The following APBA2 variants were observed in gnomAD, a reference collection of about 807,000 sequenced individuals.
The protein encoded by APBA2 is amyloid beta precursor protein binding family A member 2, also known as amyloid-beta A4 precursor protein-binding family A member 2.
In APBA2, 30 loss-of-function variants were observed where a neutral mutation model predicts 75.0. The observed-to-expected ratio is 0.40, with a 90% CI of 0.30 to 0.54. The LOEUF is 0.54. Among genes scored for constraint, APBA2 ranks in the 20% least tolerant of loss-of-function variants. The pLI, the probability that APBA2 is intolerant of heterozygous loss-of-function variation, is 0.49. For missense variants in APBA2, 801 were observed against 1,016.1 expected (o/e 0.79, Z 2.88); for synonymous variants, 444 against 409.6 (o/e 1.08, Z -1.01).
At chr15:28,952,731 A>G (rs1185354674) in intron 2 of APBA2, among the ~76,000 whole-genome samples, 1 of 152,216 alleles carries the variant, frequency 6.6e-6, no homozygotes, top group Non-Finnish European at 1.5e-5. Context: ...GATATTTTCA[A>G]ACTTTGTAGA....
At chr15:29,113,685 G>A (rs1031292102) in intron 13 of APBA2, among the ~76,000 whole-genome samples, 191 bp from the exon 14 acceptor site, 1 of 152,206 alleles carries the variant, frequency 6.6e-6, no homozygotes, top group African/African-American at 2.4e-5. Context: ...ACACACCATG[G>A]CATTAACTCT....
At chr15:28,963,238 T>A (rs1031237611) in intron 2 of APBA2, among the ~76,000 whole-genome samples, 4 of 152,228 alleles carry the variant, frequency 2.6e-5, no homozygotes, top group Non-Finnish European at 5.9e-5. Flanking sequence ...TAGGTCTTCC[T>A]AGAGTTGGGA....
chr15:29,053,184 G>A (rs1173596409), intron 3 of APBA2, among the ~76,000 whole-genome samples: 1 of 152,174 alleles, frequency 6.6e-6, no homozygotes, highest in Admixed American at 6.5e-5. Flanking sequence ...TGCACCCTTT[G>A]TCCTCTTCTC....
chr15:28,926,429 A>G (rs898631193), intron 2 of APBA2, among the ~76,000 whole-genome samples: 2 of 152,208 alleles, frequency 1.3e-5, no homozygotes, highest in African/African-American at 2.4e-5. Flanking sequence ...CAACTACCTT[A>G]TAACAGAATA....
chr15:28,955,108 G>A (rs1199881457), intron 2 of APBA2, among the ~76,000 whole-genome samples: 1 of 152,112 alleles, frequency 6.6e-6, no homozygotes, highest in Admixed American at 6.5e-5. Context: ...AGAATTATAG[G>A]ACTTTGTCAG....
intron 2 of APBA2, among the ~76,000 whole-genome samples, chr15:28,968,122 C>T (rs1284167343): frequency 2.6e-5 from 4 of 152,206 alleles, no homozygotes; most frequent in African/African-American, 9.7e-5. Context: ...AATTCCCTTG[C>T]CTGTGAAGGC....
intron 13 of APBA2, 113 bp from the exon 14 acceptor site, chr15:29,113,763 A>G: frequency 2.2e-6 from 3 of 1,367,404 alleles, no homozygotes; most frequent in Non-Finnish European, 3.1e-6. Context: ...TTGCACGTGC[A>G]CGTATTCATC....
At chr15:28,938,782 C>A (rs1566818542) in intron 2 of APBA2, among the ~76,000 whole-genome samples, 1 of 152,110 alleles carries the variant, frequency 6.6e-6, no homozygotes, top group Non-Finnish European at 1.5e-5. Flanking sequence ...GTGCTGGAAT[C>A]ACAGGCATGA....
At chr15:28,910,780 C>A (rs2033392335) in intron 1 of APBA2, among the ~76,000 whole-genome samples, 1 of 152,182 alleles carries the variant, frequency 6.6e-6, no homozygotes, top group East Asian at 1.9e-4. Flanking sequence ...CTTTTTGATA[C>A]AGCCGTGTCA....
At chr15:28,923,647 TCTC>T (rs1359197303) in intron 2 of APBA2, among the ~76,000 whole-genome samples, 1 of 152,116 alleles carries the variant, frequency 6.6e-6, no homozygotes, top group Non-Finnish European at 1.5e-5. Context: ...CCTGCCCTCT[TCTC>T]ATATGGAACA....
chr15:28,903,931 C>T (rs911119329), intron 1 of APBA2, among the ~76,000 whole-genome samples: 9 of 152,116 alleles, frequency 5.9e-5, no homozygotes, highest in African/African-American at 1.7e-4. Flanking sequence ...GTGATTCCTA[C>T]GGGTCTTACC....
At chr15:28,952,592 A>T (rs1382665198) in intron 2 of APBA2, among the ~76,000 whole-genome samples, 2 of 152,232 alleles carry the variant, frequency 1.3e-5, no homozygotes. Context: ...AATATGATTC[A>T]GCCTTCCATG....
intron 9 of APBA2, among the ~76,000 whole-genome samples, chr15:29,101,231 T>C (rs375663154): frequency 1.5e-5 from 2 of 136,330 alleles, no homozygotes; most frequent in Admixed American, 7.4e-5. Context: ...TTTTTTTTTT[T>C]CCTTTCTTTT....
At chr15:29,108,524 C>T (rs903115472) in intron 13 of APBA2, 135 bp downstream of exon 13, 2 of 1,406,360 alleles carry the variant, frequency 1.4e-6, no homozygotes, top group Non-Finnish European at 2.0e-6. Context: ...TGCCCACAGC[C>T]AGGCCACCTG....
intron 2 of APBA2, among the ~76,000 whole-genome samples, chr15:28,976,355 A>G (rs2037337101): frequency 6.6e-6 from 1 of 152,146 alleles, no homozygotes; most frequent in African/African-American, 2.4e-5. Context: ...TGTGGTTGGG[A>G]GTGACAGAAC....
At chr15:29,087,889 C>G (rs865889094) in intron 6 of APBA2, among the ~76,000 whole-genome samples, 2 of 152,188 alleles carry the variant, frequency 1.3e-5, no homozygotes, top group Non-Finnish European at 2.9e-5. Flanking sequence ...GAACCTCACA[C>G]GATCTGATGT....
intron 2 of APBA2, among the ~76,000 whole-genome samples, chr15:28,944,491 C>T (rs367718946): frequency 8.5e-5 from 13 of 152,238 alleles, no homozygotes; most frequent in African/African-American, 3.1e-4. Context: ...CCTTCCCAGG[C>T]TGGGTCTGGA....
intron 3 of APBA2, among the ~76,000 whole-genome samples, chr15:29,052,593 C>T (rs1416013261): frequency 6.6e-6 from 1 of 152,204 alleles, no homozygotes; most frequent in Non-Finnish European, 1.5e-5. Context: ...CCTCTAGCCT[C>T]TGTCCCCACG....
rs931500089 is a variant in APBA2, at chr15:29,117,245, G to T, written c.*112G>T. ...CCGACGCCACAGCCCAGCCACGGACGCTGGCTCCCCAAAGGGTGTGCCCTC... is the reference window on the plus strand; with the variant it reads ...CCGACGCCACAGCCCAGCCACGGACTCTGGCTCCCCAAAGGGTGTGCCCTC... On this transcript the variant is annotated 3_prime_UTR_variant, in exon 15 of 15. Coordinates refer to ENST00000683413, the MANE Select transcript of APBA2 (RefSeq NM_001353788.2). 2 of 1,006,824 alleles carry T rather than the reference G, an allele frequency of 2.0e-6. No individual in the cohort carries two copies. The highest frequency in any genetic ancestry group is 1.6e-5 in the African/African-American group (1 of 62,648). The allele number at this position is 1,006,824 out of a possible 1,614,324, so 62.4% of individuals were successfully genotyped here. A position where few individuals can be genotyped will look rare whatever the true frequency, so the allele number is the denominator to read the frequency against.
Sources: gnomAD v4.1 joint callset for allele counts (sites outside exome capture counted in the v4.1 genomes callset) on GRCh38, gnomAD v4.1.1 for gene constraint, MANE v1.5 for transcripts, NCBI Gene and HGNC (gene_info 2026-07-23, HGNC 2026-07-21) for gene names.